A4GALT: variants seen among roughly 807,000 people sequenced by gnomAD.
The protein encoded by A4GALT is lactosylceramide 4-alpha-galactosyltransferase.
For synonymous variants in A4GALT, 257 were observed against 220.7 expected, an observed-to-expected ratio of 1.16 and a Z score of -1.46; for missense variants, 512 against 486.0, an observed-to-expected ratio of 1.05 and a Z score of -0.50.
chr22:42,712,725 A>G (rs1281655022), intron 1 of A4GALT, among the ~76,000 whole-genome samples: 1 of 152,154 alleles, frequency 6.6e-6, no homozygotes, highest in African/African-American at 2.4e-5. Context: ...GCTGGCCAAC[A>G]GGGTGAAACC....
intron 1 of A4GALT, among the ~76,000 whole-genome samples, chr22:42,720,037 A>T (rs1170065678): frequency 6.6e-6 from 1 of 152,156 alleles, no homozygotes; most frequent in African/African-American, 2.4e-5. Context: ...TCGCCCTGGC[A>T]GTGAAACGGG....
chr22:42,693,335 T>C lies in A4GALT; in HGVS notation c.617A>G (p.Asn206Ser). 2.5e-6 allele frequency: 4 copies of C among 1,613,182 alleles called. No individual in the cohort carries two copies. The highest frequency in any genetic ancestry group is 3.4e-6 in the Non-Finnish European group (4 of 1,179,998). Reference sequence around the variant, plus strand: ...GTAGCGGGACTGGGTGCCCAGCACGTTGGTCAGGTTCCGCAGGTTCTTGAG... The same window carrying C: ...GTAGCGGGACTGGGTGCCCAGCACGCTGGTCAGGTTCCGCAGGTTCTTGAG... ...IVLKNLRNLTNVLGTQSRYVL... is the reference protein window; with the variant it reads ...IVLKNLRNLTSVLGTQSRYVL... The change falls in exon 3 of 3, where the codon AAC (asparagine) becomes AGC (serine). Residue 206 changes from asparagine to serine, a missense_variant. Coordinates refer to ENST00000642412, the MANE Select transcript of A4GALT (RefSeq NM_017436.7).
chr22:42,719,065 C>G (rs1922454882), intron 1 of A4GALT, among the ~76,000 whole-genome samples: 1 of 152,194 alleles, frequency 6.6e-6, no homozygotes, highest in African/African-American at 2.4e-5. Flanking sequence ...TGGTGTTCCA[C>G]ACAAACCACC....
intron 1 of A4GALT, among the ~76,000 whole-genome samples, chr22:42,703,057 C>CTGTGTGTG (rs71311456): frequency 0.015 from 2,035 of 134,406 alleles, 176 homozygotes; most frequent in African/African-American, 0.063. Flanking sequence ...TGCTGCCCTG[C>CTGTGTGTG]TGTGTGTGTG....
chr22:42,713,225 A>G (rs1489462768), intron 1 of A4GALT, among the ~76,000 whole-genome samples: 1 of 152,168 alleles, frequency 6.6e-6, no homozygotes, highest in Non-Finnish European at 1.5e-5. Context: ...GAGCGGCTCC[A>G]TGCCACCCGC....
chr22:42,710,732 A>G (rs1395863403), intron 1 of A4GALT, among the ~76,000 whole-genome samples: 1 of 136,996 alleles, frequency 7.3e-6, no homozygotes, highest in East Asian at 2.3e-4. Context: ...AAATAAATAA[A>G]TAAGAACAAT....
intron 1 of A4GALT, among the ~76,000 whole-genome samples, chr22:42,699,364 C>T (rs189056384): frequency 6.6e-6 from 1 of 152,344 alleles, no homozygotes; most frequent in African/African-American, 2.4e-5. Context: ...GGATTACAGG[C>T]ATGTGACACT....
chr22:42,716,139 T>C (rs1239037466), intron 1 of A4GALT, among the ~76,000 whole-genome samples: 1 of 152,048 alleles, frequency 6.6e-6, no homozygotes, highest in African/African-American at 2.4e-5. Context: ...GCCTCAGAAA[T>C]ATAATTTAAA....
intron 1 of A4GALT, among the ~76,000 whole-genome samples, chr22:42,709,048 AAT>A (rs149743579): frequency 0.11 from 13,799 of 131,156 alleles, 861 homozygotes; most frequent in African/African-American, 0.17. Context: ...GGAAAATTTA[AAT>A]ATATATATAT....
rs1259819697 is a variant in A4GALT at position 42,695,545 on chromosome 22, C to T, written c.-101G>A. On this transcript the variant is annotated 5_prime_UTR_variant, in exon 2 of 3. Coordinates refer to ENST00000642412, the MANE Select transcript of A4GALT (RefSeq NM_017436.7). ...GGGATCCTGGCAGCCCACAGGCCTC[C>T]GGGAGACACGCCCTGGCTCAGCAGC... 6 of 149,042 alleles carry T rather than the reference C, an allele frequency of 4.0e-5. No individual in the cohort carries two copies. Among genetic ancestry groups the T allele is most frequent in the African/African-American group, 7.3e-5 (3 of 41,062 alleles). 9.2% of individuals were successfully genotyped at this position (149,042 alleles called of 1,614,324 possible). A position where few individuals can be genotyped will look rare whatever the true frequency, so the allele number is the denominator to read the frequency against.
At chr22:42,699,500 A>G (rs775617658) in intron 1 of A4GALT, among the ~76,000 whole-genome samples, 3 of 152,264 alleles carry the variant, frequency 2.0e-5, no homozygotes, top group Non-Finnish European at 2.9e-5. Context: ...ACATCACTCG[A>G]CATTTCCTTC....
rs1815768636 is a variant in A4GALT at position 42,693,969 on chromosome 22, C to T, written c.-18G>A. 4.5e-6 allele frequency: 7 copies of T among 1,558,280 alleles called. No individual in the cohort carries two copies. The highest frequency in any genetic ancestry group is 6.1e-6 in the Non-Finnish European group (7 of 1,152,192). Reference sequence around the variant, plus strand: ...TTGGACATGGTATCCCCAGATCAGACCAGGAGCTTCCAGCAGGAACCGGCT... The same window carrying T: ...TTGGACATGGTATCCCCAGATCAGATCAGGAGCTTCCAGCAGGAACCGGCT... On this transcript the variant is annotated 5_prime_UTR_variant, in exon 3 of 3. Coordinates refer to ENST00000642412, the MANE Select transcript of A4GALT (RefSeq NM_017436.7).
At chr22:42,707,045 T>G (rs1202098771) in intron 1 of A4GALT, among the ~76,000 whole-genome samples, 1 of 152,118 alleles carries the variant, frequency 6.6e-6, no homozygotes, top group Non-Finnish European at 1.5e-5. Context: ...AGATTTTAAT[T>G]TACCACTTTC....
intron 1 of A4GALT, among the ~76,000 whole-genome samples, chr22:42,705,832 A>G (rs1245748143): frequency 8.2e-6 from 1 of 121,488 alleles, no homozygotes; most frequent in African/African-American, 2.6e-5. Flanking sequence ...GTGAAACCCC[A>G]TCTCCATTAA....
chr22:42,719,927 A>G (rs73429204), intron 1 of A4GALT, among the ~76,000 whole-genome samples: 3,425 of 152,066 alleles, frequency 0.023, 125 homozygotes, highest in African/African-American at 0.078. Context: ...TGCAGGGGAA[A>G]TGGCGCTTTA....
chr22:42,710,306 A>G (rs900177482), intron 1 of A4GALT, among the ~76,000 whole-genome samples: 17 of 152,238 alleles, frequency 1.1e-4, no homozygotes, highest in Non-Finnish European at 2.4e-4. Context: ...ACACTTAAAT[A>G]TAAATAACAA....
At chr22:42,714,902 A>G (rs1318904492) in intron 1 of A4GALT, among the ~76,000 whole-genome samples, 1 of 152,050 alleles carries the variant, frequency 6.6e-6, no homozygotes, top group African/African-American at 2.4e-5. Flanking sequence ...AAAAGGGGAC[A>G]TTTGCGCTGA....
chr22:42,704,844 C>T (rs1487626200), intron 1 of A4GALT, among the ~76,000 whole-genome samples: 2 of 124,552 alleles, frequency 1.6e-5, no homozygotes, highest in East Asian at 2.3e-4. Flanking sequence ...TGGCCCAAAG[C>T]ACCTGCGGGC....
chr22:42,715,915 C>A (rs1569070451), intron 1 of A4GALT, among the ~76,000 whole-genome samples: 2 of 151,554 alleles, frequency 1.3e-5, no homozygotes, highest in Non-Finnish European at 2.9e-5. Context: ...TCACTGCAAA[C>A]TCCGCCTCCT....
Sources: gnomAD v4.1 joint callset for allele counts (sites outside exome capture counted in the v4.1 genomes callset) on GRCh38, gnomAD v4.1.1 for gene constraint, MANE v1.5 for transcripts, NCBI Gene and HGNC (gene_info 2026-07-23, HGNC 2026-07-21) for gene names.